Variants in KIAA0586 observed in about 807,000 individuals in gnomAD.
KIAA0586 encodes KIAA0586.
In KIAA0586, 144 loss-of-function variants were observed where a neutral mutation model predicts 169.8. The observed-to-expected ratio is 0.85, with a 90% confidence interval of 0.74 to 0.97. The LOEUF (loss-of-function observed/expected upper bound fraction) is 0.97, where lower values mean the gene tolerates loss of function less well. Among genes scored for constraint, KIAA0586 ranks in the 50% least tolerant of loss-of-function variants. The probability of loss-of-function intolerance (pLI) is 0.00; values close to 1 mark genes in which losing one functional copy is unlikely to be tolerated. For missense variants in KIAA0586, 1,854 were observed against 1,823.0 expected (o/e 1.02, Z -0.31); for synonymous variants, 625 against 612.4 (o/e 1.02, Z -0.30).
At chr14:58,509,211 C>T (rs1019762363) in intron 28 of KIAA0586, among the ~76,000 whole-genome samples, 2 of 151,996 alleles carry the variant, frequency 1.3e-5, no homozygotes, top group East Asian at 3.9e-4. Flanking sequence ...GAGTGAGACT[C>T]TTGTCTCAAA....
chr14:58,477,791 C>T (rs935831559), intron 20 of KIAA0586, among the ~76,000 whole-genome samples: 1 of 151,718 alleles, frequency 6.6e-6, no homozygotes, highest in Non-Finnish European at 1.5e-5. Flanking sequence ...CTCCTTCCCC[C>T]TTTTCCTTTT....
intron 29 of KIAA0586, among the ~76,000 whole-genome samples, chr14:58,526,851 C>T (rs561010448): frequency 8.8e-4 from 134 of 152,272 alleles, no homozygotes; most frequent in African/African-American, 3.0e-3. Context: ...CCTTTGCTTA[C>T]TCAGGTCATC....
chr14:58,430,941 CTA>C (rs1295183409), intron 3 of KIAA0586, among the ~76,000 whole-genome samples: 1 of 152,116 alleles, frequency 6.6e-6, no homozygotes, highest in African/African-American at 2.4e-5. Flanking sequence ...CTTTTTGTCT[CTA>C]TGAATTTGAC....
At chr14:58,498,706 A>T in intron 26 of KIAA0586, 77 bp from the exon 27 acceptor site, 1 of 1,282,896 alleles carries the variant, frequency 7.8e-7, no homozygotes, top group South Asian at 1.6e-5. Flanking sequence ...GGTATTGTTC[A>T]TGATATTTGG....
At position 58,529,018 on chromosome 14, in the gene KIAA0586, G is replaced by A. The variant is rs114115393; in HGVS notation, c.4430-11053G>A. ...ATAGACATAATAAAAAATGATAAAG[G>A]GGACATCACCACTGATTTCACAAAA... On this transcript the variant is annotated intron_variant, in intron 29 of 30. Coordinates refer to ENST00000652326, the MANE Select transcript of KIAA0586 (RefSeq NM_001329943.3). Among the ~76,000 whole-genome samples, 399 of 152,074 alleles carry A rather than the reference G, an allele frequency of 2.6e-3. 1 individual carries two copies. Among genetic ancestry groups the A allele is most frequent in the African/African-American group, 8.8e-3 (367 of 41,480 alleles).
At chr14:58,429,454 T>C in intron 2 of KIAA0586, 21 bp downstream of exon 2, 1 of 1,378,596 alleles carries the variant, frequency 7.3e-7, no homozygotes, top group Non-Finnish European at 1.0e-6. Flanking sequence ...GGATTCTTAA[T>C]TATGCTCACG....
At chr14:58,456,614 T>C in intron 9 of KIAA0586, 88 bp from the exon 10 acceptor site, 1 of 696,786 alleles carries the variant, frequency 1.4e-6, no homozygotes, top group East Asian at 2.7e-5. Flanking sequence ...ATCAAAGATT[T>C]GTGTAATGAA....
At position 58,428,293 on chromosome 14, in the gene KIAA0586, A is replaced by C. The variant is rs766699983; in HGVS notation, c.29A>C (p.Lys10Thr). The change falls in exon 1 of 31, where the codon AAG (lysine) becomes ACG (threonine). Residue 10 changes from lysine to threonine, a missense_variant. By Grantham distance (78) the Lys-to-Thr change is moderately conservative (BLOSUM62 -1). Coordinates refer to ENST00000652326, the MANE Select transcript of KIAA0586 (RefSeq NM_001329943.3). MKGSEVSLE[K>T]KKKIKMPVKR... is the part of the protein sequence containing the mutation. ...AAAGGCTCTGAGGTCAGCTTGGAGA[A>C]GAAAAAAAAGATTAAGATGCCAGTG... 1.2e-6 allele frequency: 2 copies of C among 1,613,872 alleles called. No homozygotes were observed. Among genetic ancestry groups the C allele is most frequent in the South Asian group, 1.1e-5 (1 of 91,058 alleles).
chr14:58,544,786 T>G (rs2046880925), intron 30 of KIAA0586, among the ~76,000 whole-genome samples: 1 of 152,258 alleles, frequency 6.6e-6, no homozygotes, highest in African/African-American at 2.4e-5. Flanking sequence ...TGGTCAAAAT[T>G]TTTTGTGACT....
intron 27 of KIAA0586, among the ~76,000 whole-genome samples, chr14:58,507,201 T>C (rs1001408782): frequency 2.0e-5 from 3 of 146,584 alleles, no homozygotes; most frequent in Non-Finnish European, 4.5e-5. Flanking sequence ...TTTTTATATA[T>C]ATGTATGATT....
chr14:58,546,521 G>C (rs1193627789), intron 30 of KIAA0586, among the ~76,000 whole-genome samples: 1 of 152,134 alleles, frequency 6.6e-6, no homozygotes, highest in Non-Finnish European at 1.5e-5. Context: ...ATGTCTTTAA[G>C]ATTGTTTAAG....
Position 58,492,190 on chromosome 14 carries a change from A to C in KIAA0586, c.3905A>C (p.Lys1302Thr), listed in dbSNP as rs1430931010. The C allele has an allele frequency of 6.5e-7, 1 of 1,550,256 alleles. No individual in the cohort carries two copies. The highest frequency in any genetic ancestry group is 1.4e-5 in the African/African-American group (1 of 73,130). Reference sequence around the variant, plus strand: ...GGGCAAGTGATTAGGATGTCCCATAAAAAATTTCATGCAGATGCAATTCTT... The same window carrying C: ...GGGCAAGTGATTAGGATGTCCCATACAAAATTTCATGCAGATGCAATTCTT... ...SEGQVIRMSH[K>T]KFHADAILSF... Residue 1302 changes from lysine (K) to threonine (T), a missense_variant, in exon 26 of 31, where the codon AAA (lysine) becomes ACA (threonine). By Grantham distance (78) the Lys-to-Thr change is moderately conservative (BLOSUM62 -1). Coordinates refer to ENST00000652326, the MANE Select transcript of KIAA0586 (RefSeq NM_001329943.3).
At chr14:58,536,703 A>G (rs1261348740) in intron 29 of KIAA0586, among the ~76,000 whole-genome samples, 4 of 152,192 alleles carry the variant, frequency 2.6e-5, no homozygotes, top group Non-Finnish European at 5.9e-5. Flanking sequence ...TGTGCCTTCA[A>G]TTAAAGCTTT....
At chr14:58,439,822 G>C in intron 4 of KIAA0586, 1 of 984,558 alleles carries the variant, frequency 1.0e-6, no homozygotes, top group Non-Finnish European at 1.2e-6. Context: ...AGTCGACGGG[G>C]AAGTCCAGCA....
Position 58,547,954 on chromosome 14 carries a change from A to G in KIAA0586, c.*22A>G, listed in dbSNP as rs756215636. The G allele has an allele frequency of 4.3e-6, 7 of 1,612,330 alleles. No homozygotes were observed. The highest frequency in any genetic ancestry group is 1.1e-5 in the South Asian group (1 of 90,768). On this transcript the variant is annotated 3_prime_UTR_variant, in exon 31 of 31. Coordinates refer to ENST00000652326, the MANE Select transcript of KIAA0586 (RefSeq NM_001329943.3). ...CTGAACGGGAAGAGACAGCCAGCAC[A>G]GTGTTTATGCCACTGGTTTTAAAGT... is the stretch of plus-strand genomic sequence containing the variant.
chr14:58,551,724 C>G (rs1317070258), downstream of KIAA0586, among the ~76,000 whole-genome samples: 1 of 152,040 alleles, frequency 6.6e-6, no homozygotes, highest in African/African-American at 2.4e-5. Flanking sequence ...TGAGATTGCG[C>G]CACTGCACTC....
At chr14:58,459,728 T>C (rs1365621494) in intron 12 of KIAA0586, 115 bp from the exon 13 acceptor site, 3 of 551,922 alleles carry the variant, frequency 5.4e-6, no homozygotes, top group East Asian at 6.2e-5. Context: ...TTAATGCATT[T>C]AAAACTGCTA....
intron 11 of KIAA0586, 98 bp from the exon 12 acceptor site, chr14:58,458,375 G>A (rs2040045907): frequency 1.5e-6 from 1 of 666,572 alleles, no homozygotes; most frequent in African/African-American, 1.9e-5. Flanking sequence ...AAGATATTAG[G>A]ATAGCAGGTT....
At chr14:58,546,741 GAATT>G (rs1663519773) in intron 30 of KIAA0586, among the ~76,000 whole-genome samples, 1 of 152,054 alleles carries the variant, frequency 6.6e-6, no homozygotes, top group Non-Finnish European at 1.5e-5. Context: ...ACATATTAAT[GAATT>G]ATTTATCCCA....
Sources: gnomAD v4.1 joint callset for allele counts (sites outside exome capture counted in the v4.1 genomes callset) on GRCh38, gnomAD v4.1.1 for gene constraint, MANE v1.5 for transcripts, NCBI Gene and HGNC (gene_info 2026-07-23, HGNC 2026-07-21) for gene names.